Variants in TXNRD1 observed in about 807,000 individuals in gnomAD.
TXNRD1 encodes the protein thioredoxin reductase 1, cytoplasmic.
TXNRD1 carries 57 observed loss-of-function variants against 80.3 expected under a neutral mutation model. The observed-to-expected ratio is 0.71, with a 90% CI of 0.57 to 0.89. The LOEUF is 0.89. TXNRD1 is among the 40% of genes least tolerant of loss of function. The pLI is 0.00. For synonymous variants in TXNRD1, 291 were observed against 285.2 expected, an observed-to-expected ratio of 1.02 and a Z score of -0.20; for missense variants, 730 against 803.0, an observed-to-expected ratio of 0.91 and a Z score of 1.10.
chr12:104,281,256 A>G (rs1593745777), intron 3 of TXNRD1, among the ~76,000 whole-genome samples: 4 of 152,296 alleles, frequency 2.6e-5, no homozygotes, highest in South Asian at 4.1e-4. Flanking sequence ...TATTCCATCC[A>G]TCTGTACAAC....
At chr12:104,221,486 T>C (rs1486923805) in intron 1 of TXNRD1, among the ~76,000 whole-genome samples, 3 of 151,958 alleles carry the variant, frequency 2.0e-5, no homozygotes, top group Non-Finnish European at 4.4e-5. Flanking sequence ...CCCGACTAAT[T>C]TTGTATTTTT....
rs2036244338 is a variant in TXNRD1, at chr12:104,339,274, G to T, written c.1881+1G>T. 6.2e-7 allele frequency: 1 copy of T among 1,613,644 alleles called. No individual in the cohort carries two copies. Among genetic ancestry groups the T allele is most frequent in the Non-Finnish European group, 8.5e-7 (1 of 1,179,804 alleles). On this transcript the variant is annotated splice_donor_variant, in intron 16 of 16. Coordinates refer to ENST00000525566, the MANE Select transcript of TXNRD1 (RefSeq NM_001093771.3). LOFTEE classifies it high-confidence loss of function. ...TGGAATCCACCCTGTCTGTGCAGAG[G>T]TGGGTCATCTACACTTATACAGTTT...
At chr12:104,269,717 G>A (rs1192235449) in intron 3 of TXNRD1, among the ~76,000 whole-genome samples, 2 of 151,932 alleles carry the variant, frequency 1.3e-5, no homozygotes, top group Non-Finnish European at 2.9e-5. Context: ...ACAGGCACGC[G>A]ACACCATGCC....
chr12:104,287,727 G>A (rs1248617919), intron 3 of TXNRD1, among the ~76,000 whole-genome samples: 1 of 152,168 alleles, frequency 6.6e-6, no homozygotes, highest in Admixed American at 6.5e-5. Flanking sequence ...ACTCTCTCAG[G>A]CAGTACAGGA....
At chr12:104,267,661 C>CTTTCTTTCTTTCTTTCTTTCTTTGTTTG (rs1565870080) in intron 3 of TXNRD1, among the ~76,000 whole-genome samples, 1 of 32,050 alleles carries the variant, frequency 3.1e-5, no homozygotes, top group African/African-American at 1.3e-4. Context: ...TTCTTTCTTT[C>CTTTCTTTCTTTCTTTCTTTCTTTGTTTG]TTTCTTTCTT....
intron 1 of TXNRD1, among the ~76,000 whole-genome samples, chr12:104,217,087 A>C (rs899262875): frequency 1.3e-5 from 2 of 152,092 alleles, no homozygotes; most frequent in Non-Finnish European, 2.9e-5. Context: ...GGAAGGGAAG[A>C]ATAAAGGAAC....
In TXNRD1 at chr12:104,322,374, CTTTTTTTTTT is replaced by C. The variant is rs58288808; in HGVS notation, c.1215+1073_1215+1082del. 4.6e-3 allele frequency among the ~76,000 whole-genome samples: 282 copies of C among 61,562 alleles called. 3 individuals are homozygous for C. The highest frequency in any genetic ancestry group is 4.9e-3 in the Non-Finnish European group (171 of 35,082). 40.4% of individuals were successfully genotyped at this position (61,562 alleles called of 152,430 possible). On this transcript the variant is annotated intron_variant, in intron 10 of 16. Coordinates refer to ENST00000525566, the MANE Select transcript of TXNRD1 (RefSeq NM_001093771.3). ...TACTGTAGCTGTTTTTTATTTTTACCTTTTTTTTTTTTTTTTTTTTTTTTGAGACGGAGTT... is the reference window on the plus strand; with the variant it reads ...TACTGTAGCTGTTTTTTATTTTTACCTTTTTTTTTTTTTTGAGACGGAGTT...
chr12:104,339,502 A>G lies in TXNRD1; in HGVS notation c.1881+229A>G, dbSNP rs2036252615. 3 of 689,316 alleles carry G rather than the reference A, an allele frequency of 4.4e-6. No individual in the cohort carries two copies. In the Admixed American group the frequency reaches 5.8e-5, roughly 13 times the overall value. The allele number at this position is 689,316 out of a possible 1,614,324, so 42.7% of individuals were successfully genotyped here. On this transcript the variant is annotated intron_variant, in intron 16 of 16. Transcript: ENST00000525566. ...GGTAAAAATTATGAGAGTGATTTAT[A>G]GAGCTGTGCCTTAAATATTTTATTT...
chr12:104,258,153 A>T, intron 3 of TXNRD1, 74 bp downstream of exon 3: 1 of 1,203,580 alleles, frequency 8.3e-7, no homozygotes, highest in Non-Finnish European at 1.2e-6. Context: ...TCTGGCTTTA[A>T]TTTGTCTTCC....
At chr12:104,265,426 G>T in intron 3 of TXNRD1, 2 of 1,602,358 alleles carry the variant, frequency 1.2e-6, no homozygotes, top group Non-Finnish European at 1.7e-6. Context: ...TCATGTCGTC[G>T]CCAAGTCCCG....
chr12:104,331,485 T>A (rs2035944102), intron 13 of TXNRD1, 49 bp from the exon 14 acceptor site: 2 of 1,235,432 alleles, frequency 1.6e-6, no homozygotes, highest in African/African-American at 1.5e-5. Context: ...CCTTTTTTTT[T>A]AAGTTATAAC....
At chr12:104,226,773 C>T (rs75464930) in intron 1 of TXNRD1, among the ~76,000 whole-genome samples, 4,046 of 152,204 alleles carry the variant, frequency 0.027, 162 homozygotes, top group African/African-American at 0.088. Context: ...CCCGTAAATG[C>T]GTAGAAAATG....
At chr12:104,217,883 G>C (rs779641572) in intron 1 of TXNRD1, among the ~76,000 whole-genome samples, 27 of 151,802 alleles carry the variant, frequency 1.8e-4, no homozygotes, top group Admixed American at 5.3e-4. Context: ...ACTTGTCTTC[G>C]AGTTTCATCT....
intron 4 of TXNRD1, among the ~76,000 whole-genome samples, chr12:104,308,998 A>G (rs2035033331): frequency 6.6e-6 from 1 of 151,414 alleles, no homozygotes; most frequent in African/African-American, 2.4e-5. Flanking sequence ...CCTGGGTTCA[A>G]GCAGTTCTCC....
At chr12:104,216,284 A>G (rs2032207481) in intron 1 of TXNRD1, among the ~76,000 whole-genome samples, 1 of 152,222 alleles carries the variant, frequency 6.6e-6, no homozygotes, top group Admixed American at 6.5e-5. Flanking sequence ...TTACGGGGGA[A>G]GCGACCAAAC....
chr12:104,232,269 A>G (rs1217459474), intron 1 of TXNRD1, among the ~76,000 whole-genome samples: 1 of 152,180 alleles, frequency 6.6e-6, no homozygotes, highest in Non-Finnish European at 1.5e-5. Flanking sequence ...CCTATTAGAA[A>G]GTGACATTCT....
chr12:104,223,003 G>A (rs76220379), intron 1 of TXNRD1, among the ~76,000 whole-genome samples: 1 of 151,918 alleles, frequency 6.6e-6, no homozygotes, highest in African/African-American at 2.4e-5. Context: ...ATGATCCTTG[G>A]GTGGGCTTGT....
intron 1 of TXNRD1, among the ~76,000 whole-genome samples, chr12:104,219,734 C>T (rs2135672176): frequency 6.6e-6 from 1 of 152,166 alleles, no homozygotes; most frequent in South Asian, 2.1e-4. Flanking sequence ...TGGCATACTG[C>T]CCTACAAATC....
chr12:104,336,563 A>AT (rs1023294255), intron 15 of TXNRD1, among the ~76,000 whole-genome samples: 21 of 151,180 alleles, frequency 1.4e-4, no homozygotes, highest in African/African-American at 3.2e-4. Flanking sequence ...CTGCTATTTT[A>AT]TTTTTTTTTA....
Sources: gnomAD v4.1 joint callset for allele counts (sites outside exome capture counted in the v4.1 genomes callset) on GRCh38, gnomAD v4.1.1 for gene constraint, MANE v1.5 for transcripts, NCBI Gene and HGNC (gene_info 2026-07-23, HGNC 2026-07-21) for gene names.